TMX3: variants seen among roughly 807,000 people sequenced by gnomAD.
TMX3 encodes protein disulfide-isomerase TMX3.
Under a neutral mutation model 64.4 loss-of-function variants are expected in TMX3, and 40 were observed. The ratio of observed to expected loss-of-function variants is 0.62; its 90% CI spans 0.48 to 0.81. The LOEUF is 0.81. Ranked by LOEUF, TMX3 falls within the 30% of genes least tolerant of loss-of-function variation. The pLI is 0.00. For missense variants in TMX3, 497 were observed against 534.5 expected, an observed-to-expected ratio of 0.93 and a Z score of 0.69; for synonymous variants, 189 against 175.7, an observed-to-expected ratio of 1.08 and a Z score of -0.60.
In TMX3 at chr18:68,702,077, T is replaced by C. The variant is rs2030141673; in HGVS notation, c.266-287A>G. On this transcript the variant is annotated intron_variant, in intron 4 of 15. Transcript: ENST00000299608. ...TTTATAAAATACTTATTTTAAAAGA[T>C]ATACTGGTAAAAAAAATAAAAATAA... is the stretch of plus-strand genomic sequence containing the variant. Among the ~76,000 whole-genome samples, 4 of 145,960 alleles carry C rather than the reference T, an allele frequency of 2.7e-5. No individual in the cohort carries two copies. In the South Asian group the frequency reaches 8.4e-4, roughly 31 times the overall value.
chr18:68,694,535 GC>G (rs1228615933), intron 8 of TMX3, among the ~76,000 whole-genome samples: 2 of 152,144 alleles, frequency 1.3e-5, no homozygotes, highest in Non-Finnish European at 2.9e-5. Context: ...TCCTTGGCAG[GC>G]ACAGGATCTG....
At chr18:68,681,376 T>C (rs1913419822) in intron 13 of TMX3, 1 of 713,928 alleles carries the variant, frequency 1.4e-6, no homozygotes, top group African/African-American at 1.9e-5. Context: ...AAACATTTTA[T>C]AACATATGTA....
chr18:68,687,213 T>C (rs1914050806), intron 10 of TMX3: 1 of 985,348 alleles, frequency 1.0e-6, no homozygotes, highest in Non-Finnish European at 1.2e-6. Context: ...GCTTTCATTT[T>C]TGTATTCGTG....
Position 68,714,894 on chromosome 18 carries a change from C to T in TMX3, c.46+42G>A, listed in dbSNP as rs1207618876. 1.3e-5 allele frequency: 20 copies of T among 1,548,238 alleles called. No individual in the cohort carries two copies. In the South Asian group the frequency reaches 2.0e-4, roughly 16 times the overall value. ...TCCCGGCCCCACGGCGGGGCCAGGT[C>T]CCACGCGCCCGCCAGCGTCCCGACC... On this transcript the variant is annotated intron_variant, in intron 1 of 15. Coordinates refer to ENST00000299608, the MANE Select transcript of TMX3 (RefSeq NM_019022.5).
intron 2 of TMX3, among the ~76,000 whole-genome samples, chr18:68,712,020 A>G (rs73967594): frequency 0.05 from 7,646 of 152,184 alleles, 631 homozygotes; most frequent in African/African-American, 0.17. Flanking sequence ...TTTACAGCAT[A>G]TGACGAGCCC....
At chr18:68,702,994 A>G (rs1183656198) in intron 4 of TMX3, among the ~76,000 whole-genome samples, 2 of 152,230 alleles carry the variant, frequency 1.3e-5, no homozygotes, top group Non-Finnish European at 2.9e-5. Context: ...TCAAGTTCTG[A>G]AGATACAGGT....
intron 4 of TMX3, among the ~76,000 whole-genome samples, chr18:68,707,997 G>GTA (rs374196560): frequency 6.8e-6 from 1 of 147,592 alleles, no homozygotes; most frequent in African/African-American, 2.6e-5. Context: ...GTATATATGT[G>GTA]TATATATATG....
intron 5 of TMX3, chr18:68,700,879 T>A: frequency 1.3e-6 from 1 of 799,882 alleles, no homozygotes; most frequent in Non-Finnish European, 1.4e-6. Flanking sequence ...GCAAAACAAA[T>A]GTTAAGCAAT....
rs560981655 is a variant in TMX3 at position 68,682,553 on chromosome 18, A to G, written c.905+372T>C. Among the ~76,000 whole-genome samples the G allele has an allele frequency of 9.2e-5, 14 of 152,272 alleles. No homozygotes were observed. In the South Asian group the frequency reaches 2.9e-3, roughly 32 times the overall value. On this transcript the variant is annotated intron_variant, in intron 13 of 15. Coordinates refer to ENST00000299608, the MANE Select transcript of TMX3 (RefSeq NM_019022.5). ...AAGTTAGTCTATCCAATTCTAGAAC[A>G]ATTAGTTTTTGAATGCTAAACATTT...
intron 5 of TMX3, 116 bp from the exon 6 acceptor site, chr18:68,700,601 A>T: frequency 9.9e-7 from 1 of 1,007,744 alleles, no homozygotes; most frequent in Non-Finnish European, 1.3e-6. Context: ...AATGCAGAGA[A>T]GTTTTAGAAG....
intron 4 of TMX3, among the ~76,000 whole-genome samples, chr18:68,709,431 C>T (rs2031042357): frequency 6.6e-6 from 1 of 152,138 alleles, no homozygotes; most frequent in Non-Finnish European, 1.5e-5. Flanking sequence ...CAGAAACAGC[C>T]ATAAACAGAT....
In TMX3 at chr18:68,679,462, CCA is replaced by C; in HGVS notation, c.1103_1104del (p.Ser369TyrfsTer42). The stretch of plus-strand genomic sequence containing the variant: ...CAATGACATAAACTGTCACAACTTA[CCA>C]CAATAGTAGATTTGGCATCAAATAC... ...RIVFDAKSTI[V>X]SIFKSSPLMG... On this transcript the variant is annotated frameshift_variant and splice_region_variant, in exon 15 of 16. Coordinates refer to ENST00000299608, the MANE Select transcript of TMX3 (RefSeq NM_019022.5). LOFTEE classifies it high-confidence loss of function. 1.2e-6 allele frequency: 2 copies of C among 1,610,336 alleles called. No individual in the cohort carries two copies. Among genetic ancestry groups the C allele is most frequent in the Non-Finnish European group, 1.7e-6 (2 of 1,177,914 alleles).
At position 68,673,975 on chromosome 18, in the gene TMX3, C is replaced by A. The variant is rs1246528463; in HGVS notation, c.*2958G>T. The A allele has an allele frequency of 1.3e-5, 2 of 152,046 alleles. No homozygotes were observed. Among genetic ancestry groups the A allele is most frequent in the Non-Finnish European group, 2.9e-5 (2 of 67,990 alleles). The allele number at this position is 152,046 out of a possible 1,614,324, so 9.4% of individuals were successfully genotyped here. ...GCATAAGGAGTGTTGAATGATTTTT[C>A]CCTGTCCTAACTCCATGTCGTATGA... On this transcript the variant is annotated 3_prime_UTR_variant, in exon 16 of 16. Transcript: ENST00000299608.
rs1232118221 is a variant in TMX3, at chr18:68,676,148, G to C, written c.*785C>G. 1.3e-5 allele frequency: 2 copies of C among 152,040 alleles called. No homozygotes were observed. Among genetic ancestry groups the C allele is most frequent in the Non-Finnish European group, 2.9e-5 (2 of 68,016 alleles). 9.4% of individuals were successfully genotyped at this position (152,040 alleles called of 1,614,324 possible). ...TATATAAAATAGAAATAAAATACTAGGCTATTCTGGCTAAAGCAGAGTAGG... is the reference window on the plus strand; with the variant it reads ...TATATAAAATAGAAATAAAATACTACGCTATTCTGGCTAAAGCAGAGTAGG... On this transcript the variant is annotated 3_prime_UTR_variant, in exon 16 of 16. Coordinates refer to ENST00000299608, the MANE Select transcript of TMX3 (RefSeq NM_019022.5).
chr18:68,681,522 T>C (rs1462234913), intron 13 of TMX3: 1 of 984,782 alleles, frequency 1.0e-6, no homozygotes, highest in Admixed American at 6.2e-5. Flanking sequence ...ACTTTAATCT[T>C]TGGCAAATCC....
chr18:68,678,096 G>T (rs1434839397), intron 15 of TMX3, among the ~76,000 whole-genome samples: 1 of 152,042 alleles, frequency 6.6e-6, no homozygotes, highest in Non-Finnish European at 1.5e-5. Flanking sequence ...CTGGGCAAGT[G>T]GAAGTATGGA....
chr18:68,699,949 T>C lies in TMX3; in HGVS notation c.392+456A>G, dbSNP rs1241443850. On this transcript the variant is annotated intron_variant, in intron 6 of 15. Transcript: ENST00000299608. Reference sequence around the variant, plus strand: ...GCAGTATGTGATAAATAAGGAAAAATATTTTAGCTGTATCTAAAATACATT... The same window carrying C: ...GCAGTATGTGATAAATAAGGAAAAACATTTTAGCTGTATCTAAAATACATT... Among the ~76,000 whole-genome samples, 7 of 152,274 alleles carry C rather than the reference T, an allele frequency of 4.6e-5. No homozygotes were observed. The East Asian group carries it at 1.3e-3, about 29-fold the overall frequency.
intron 6 of TMX3, among the ~76,000 whole-genome samples, chr18:68,698,344 G>A (rs1915320018): frequency 6.6e-6 from 1 of 152,098 alleles, no homozygotes; most frequent in Non-Finnish European, 1.5e-5. Context: ...TGTCCATTTA[G>A]AATCCTCAGC....
rs73967588 is a variant in TMX3, at chr18:68,698,156, G to C, written c.393-125C>G. 1,170 of 641,440 alleles carry C rather than the reference G, an allele frequency of 1.8e-3. 12 individuals are homozygous for C. The African/African-American group carries it at 0.019, about 11-fold the overall frequency. The allele number at this position is 641,440 out of a possible 1,614,324, so 39.7% of individuals were successfully genotyped here. ...CAATAATATATCAACTGCATTTTAA[G>C]TATATCACAAAATCCACATGAATAT... On this transcript the variant is annotated intron_variant, in intron 6 of 15. Coordinates refer to ENST00000299608, the MANE Select transcript of TMX3 (RefSeq NM_019022.5).
Sources: gnomAD v4.1 joint callset for allele counts (sites outside exome capture counted in the v4.1 genomes callset) on GRCh38, gnomAD v4.1.1 for gene constraint, MANE v1.5 for transcripts, NCBI Gene and HGNC (gene_info 2026-07-23, HGNC 2026-07-21) for gene names.